The following SDK1 variants were observed in gnomAD, a reference collection of about 807,000 sequenced individuals.
The protein encoded by SDK1 is protein sidekick-1.
A neutral mutation model predicts 245.5 loss-of-function variants in SDK1; 157 were observed. That is an observed-to-expected ratio of 0.64 (90% CI 0.56 to 0.73). SDK1 has a LOEUF of 0.73. Among genes scored for constraint, SDK1 ranks in the 30% least tolerant of loss-of-function variants. The probability of loss-of-function intolerance (pLI) is 0.00; values close to 1 mark genes in which losing one functional copy is unlikely to be tolerated. For synonymous variants in SDK1, 1,647 were observed against 1,278.5 expected (o/e 1.29, Z -6.15); for missense variants, 3,583 against 3,002.3 (o/e 1.19, Z -4.52).
intron 1 of SDK1, chr7:3,338,369 G>A (rs1780257907): frequency 1.9e-6 from 1 of 522,098 alleles, no homozygotes; most frequent in Non-Finnish European, 3.6e-6. Context: ...GTCAGGGCAC[G>A]ACTCTTGCCA....
At chr7:3,698,348 C>T (rs1001116370) in intron 4 of SDK1, among the ~76,000 whole-genome samples, 2 of 152,182 alleles carry the variant, frequency 1.3e-5, no homozygotes, top group Non-Finnish European at 2.9e-5. Context: ...CACGCGTTCC[C>T]TCTCACGGTA....
intron 1 of SDK1, among the ~76,000 whole-genome samples, chr7:3,358,923 A>G (rs1214458018): frequency 6.6e-6 from 1 of 152,214 alleles, no homozygotes; most frequent in South Asian, 2.1e-4. Context: ...TTTCTAGGGC[A>G]TGGTTTAGAA....
At chr7:3,832,826 G>A (rs1350051608) in intron 5 of SDK1, among the ~76,000 whole-genome samples, 2 of 151,784 alleles carry the variant, frequency 1.3e-5, no homozygotes, top group Non-Finnish European at 2.9e-5. Flanking sequence ...AGAATACCCT[G>A]TTTAGCACAA....
chr7:4,240,808 G>T (rs1178323182), intron 42 of SDK1, among the ~76,000 whole-genome samples: 3 of 152,124 alleles, frequency 2.0e-5, no homozygotes, highest in Non-Finnish European at 2.9e-5. Context: ...TTTGAGCTGT[G>T]ATCTGCAGGA....
In SDK1 at chr7:3,385,428, T is replaced by TA. The variant is rs569945360; in HGVS notation, c.298+83551dup. ...TACTAATTTTCATAAGTAATGAACA[T>TA]AAAAAAATATATTTTTTTACTGTTA... On this transcript the variant is annotated intron_variant, in intron 1 of 44. Coordinates refer to ENST00000404826, the MANE Select transcript of SDK1 (RefSeq NM_152744.4). 4.1e-3 allele frequency among the ~76,000 whole-genome samples: 631 copies of TA among 152,166 alleles called. 9 individuals are homozygous for TA. Among genetic ancestry groups the TA allele is most frequent in the South Asian group, 0.018 (86 of 4,812 alleles).
At chr7:3,524,648 A>G (rs529214553) in intron 1 of SDK1, among the ~76,000 whole-genome samples, 1 of 152,332 alleles carries the variant, frequency 6.6e-6, no homozygotes, top group East Asian at 1.9e-4. Context: ...TTTCACACAC[A>G]CTGAGATGGG....
At chr7:4,129,108 G>T (rs112184419) in intron 26 of SDK1, among the ~76,000 whole-genome samples, 91 of 117,368 alleles carry the variant, frequency 7.8e-4, no homozygotes, top group Middle Eastern at 9.4e-3. Context: ...TGCCCTGGAA[G>T]AGAGCAGCTT....
At chr7:3,563,799 A>G (rs765600190) in intron 1 of SDK1, among the ~76,000 whole-genome samples, 27 of 152,196 alleles carry the variant, frequency 1.8e-4, no homozygotes, top group Admixed American at 3.3e-4. Context: ...GTATTATGCC[A>G]TATAAGAAGC....
At chr7:4,170,448 A>G (rs1176093747) in intron 32 of SDK1, among the ~76,000 whole-genome samples, 1 of 151,810 alleles carries the variant, frequency 6.6e-6, no homozygotes, top group Admixed American at 6.6e-5. Context: ...TCCTGTCTCA[A>G]AAAAAAAGAA....
intron 38 of SDK1, among the ~76,000 whole-genome samples, chr7:4,213,696 TTCA>T (rs1784629171): frequency 6.6e-6 from 1 of 152,144 alleles, no homozygotes; most frequent in Non-Finnish European, 1.5e-5. Context: ...TCTCTGCAGT[TTCA>T]CTCCCCTAGA....
At chr7:4,049,765 G>C (rs1789300073) in intron 18 of SDK1, among the ~76,000 whole-genome samples, 1 of 152,190 alleles carries the variant, frequency 6.6e-6, no homozygotes, top group African/African-American at 2.4e-5. Flanking sequence ...ATGAATATTT[G>C]CACAAACTAC....
intron 1 of SDK1, among the ~76,000 whole-genome samples, chr7:3,462,861 T>A (rs192368317): frequency 6.6e-6 from 1 of 152,212 alleles, no homozygotes; most frequent in African/African-American, 2.4e-5. Context: ...GACATCGTGC[T>A]TTTGGGAAAC....
chr7:3,657,527 C>G (rs991629994), intron 4 of SDK1, among the ~76,000 whole-genome samples: 2 of 152,144 alleles, frequency 1.3e-5, no homozygotes, highest in African/African-American at 4.8e-5. Context: ...GGAAGAGGGA[C>G]TGTGAGAGCC....
Position 4,139,649 on chromosome 7 carries a change from A to G in SDK1, c.4229-6073A>G, listed in dbSNP as rs1346984617. 1.3e-3 allele frequency among the ~76,000 whole-genome samples: 129 copies of G among 97,394 alleles called. 11 individuals carry two copies. Among genetic ancestry groups the G allele is most frequent in the African/African-American group, 5.7e-3 (123 of 21,630 alleles). The allele number at this position is 97,394 out of a possible 152,430, so 63.9% of individuals were successfully genotyped here. ...TGTATATGTATATATGTGTGTGTAT[A>G]TGTGTGTGTGTATATGTGTGTGTGT... On this transcript the variant is annotated intron_variant, in intron 28 of 44. Transcript: ENST00000404826.
chr7:4,051,524 C>G, intron 18 of SDK1, 114 bp from the exon 19 acceptor site: 2 of 889,992 alleles, frequency 2.2e-6, no homozygotes, highest in Non-Finnish European at 3.4e-6. Flanking sequence ...GATTTATGGA[C>G]TTTCTTAATT....
At chr7:4,214,816 C>G (rs919050754) in intron 38 of SDK1, among the ~76,000 whole-genome samples, 5 of 152,244 alleles carry the variant, frequency 3.3e-5, no homozygotes, top group African/African-American at 9.6e-5. Flanking sequence ...TGACACCTGG[C>G]TCTGACTAAG....
chr7:3,376,848 T>C lies in SDK1; in HGVS notation c.298+74964T>C, dbSNP rs548701064. Among the ~76,000 whole-genome samples, 8 of 152,298 alleles carry C rather than the reference T, an allele frequency of 5.3e-5. No individual in the cohort carries two copies. The South Asian group carries it at 1.7e-3, about 32-fold the overall frequency. On this transcript the variant is annotated intron_variant, in intron 1 of 44. Transcript: ENST00000404826. ...ATGTCAAATTTTCTTCCTTTTTCTT[T>C]TCTTTCTTTTTTTCCTCTATTTCCC... is the stretch of plus-strand genomic sequence containing the variant.
Position 4,265,979 on chromosome 7 carries a change from C to G in SDK1, c.*595C>G, listed in dbSNP as rs187424878. On this transcript the variant is annotated 3_prime_UTR_variant, in exon 45 of 45. Transcript: ENST00000404826. ...TAGTCAAGGAGTCGGCTTTCAGGTTCCTGACGGCCAGGCAGGGATGCTAAG... is the reference window on the plus strand; with the variant it reads ...TAGTCAAGGAGTCGGCTTTCAGGTTGCTGACGGCCAGGCAGGGATGCTAAG... 1.3e-4 allele frequency: 126 copies of G among 985,616 alleles called. No homozygotes were observed. The African/African-American group carries it at 2.0e-3, about 16-fold the overall frequency. 61.1% of individuals were successfully genotyped at this position (985,616 alleles called of 1,614,324 possible).
chr7:4,141,058 A>C (rs1012492995), intron 28 of SDK1, among the ~76,000 whole-genome samples: 4 of 152,254 alleles, frequency 2.6e-5, no homozygotes, highest in Non-Finnish European at 4.4e-5. Context: ...CTGTCTAGTC[A>C]GGAGCTTCTG....
Sources: gnomAD v4.1 joint callset for allele counts (sites outside exome capture counted in the v4.1 genomes callset) on GRCh38, gnomAD v4.1.1 for gene constraint, MANE v1.5 for transcripts, NCBI Gene and HGNC (gene_info 2026-07-23, HGNC 2026-07-21) for gene names.